The following PRKCQ variants were observed in gnomAD, a reference collection of about 807,000 sequenced individuals.
PRKCQ encodes the protein protein kinase C theta.
A neutral mutation model predicts 91.2 loss-of-function variants in PRKCQ; 41 were observed. The observed-to-expected ratio is 0.45, with a 90% CI of 0.35 to 0.58. The LOEUF is 0.58. Ranked by LOEUF, PRKCQ falls within the 20% of genes least tolerant of loss-of-function variation. The probability of loss-of-function intolerance (pLI) is 0.00; values close to 1 mark genes in which losing one functional copy is unlikely to be tolerated. For synonymous variants in PRKCQ, 307 were observed against 316.9 expected, an observed-to-expected ratio of 0.97 and a Z score of 0.33; for missense variants, 673 against 896.5, an observed-to-expected ratio of 0.75 and a Z score of 3.18.
the PRKCQ span, among the ~76,000 whole-genome samples, chr10:6,421,556 T>C: frequency 6.6e-6 from 1 of 152,182 alleles, no homozygotes; most frequent in South Asian, 2.1e-4. The surrounding 1 kb of genome is among the most constrained non-coding windows in gnomAD (Gnocchi z 4.1). Flanking sequence ...GGCTAGTGGC[T>C]ACCATACTGT....
intron 13 of PRKCQ, among the ~76,000 whole-genome samples, chr10:6,462,664 T>G (rs1174729673): frequency 1.3e-5 from 2 of 152,164 alleles, no homozygotes. Flanking sequence ...ATTGTCATTT[T>G]TTTTGTTGTT....
Position 6,445,232 on chromosome 10 carries a change from C to T in PRKCQ, c.1648-3151G>A, listed in dbSNP as rs147173395. Among the ~76,000 whole-genome samples, 708 of 151,818 alleles carry T rather than the reference C, an allele frequency of 4.7e-3. 4 individuals carry two copies. The highest frequency in any genetic ancestry group is 0.016 in the African/African-American group (669 of 41,324). On this transcript the variant is annotated intron_variant, in intron 15 of 17. Transcript: ENST00000263125. ...TTTAGATGGAGCAGACTGATGTGCA[C>T]GGCAACCCCATCCCTGACCCTCCAC...
intron 16 of PRKCQ, among the ~76,000 whole-genome samples, chr10:6,433,770 C>T (rs779650624): frequency 6.6e-6 from 1 of 152,040 alleles, no homozygotes; most frequent in Non-Finnish European, 1.5e-5. Context: ...GTGGCTCATG[C>T]CTGTAATCCC....
At chr10:6,454,351 C>T (rs1834893570) in intron 15 of PRKCQ, among the ~76,000 whole-genome samples, 1 of 152,046 alleles carries the variant, frequency 6.6e-6, no homozygotes, top group Admixed American at 6.6e-5. Flanking sequence ...TCATGTTCTG[C>T]ACTAGGGTAA....
rs144075655 is a variant in PRKCQ, at chr10:6,485,297, C to T, written c.901-28G>A. 662 of 1,531,082 alleles carry T rather than the reference C, an allele frequency of 4.3e-4. 8 individuals are homozygous for T. In the Middle Eastern group the frequency reaches 0.016, roughly 38 times the overall value. The allele number at this position is 1,531,082 out of a possible 1,614,324, so 94.8% of individuals were successfully genotyped here. ...GGATGACAAACAGAGAGTCAGACCA[C>T]CCACCCACCCACCATTGATGGAACA... On this transcript the variant is annotated intron_variant, in intron 9 of 17. Transcript: ENST00000263125.
At chr10:6,477,897 A>C (rs754501796) in intron 12 of PRKCQ, among the ~76,000 whole-genome samples, 3 of 152,112 alleles carry the variant, frequency 2.0e-5, no homozygotes, top group African/African-American at 4.8e-5. Flanking sequence ...AACAAACAAA[A>C]AGAAAGAAAA....
At chr10:6,423,877 C>T (rs1052745321), downstream of PRKCQ, among the ~76,000 whole-genome samples, 2 of 152,176 alleles carry the variant, frequency 1.3e-5, no homozygotes, top group Non-Finnish European at 2.9e-5. Flanking sequence ...TTCCACCAGG[C>T]ATTCTCGTGT....
chr10:6,412,638 G>A, the PRKCQ span, among the ~76,000 whole-genome samples: 1 of 152,236 alleles, frequency 6.6e-6, no homozygotes, highest in Non-Finnish European at 1.5e-5. Context: ...TTAAGTCAGT[G>A]GGGGAAGGAC....
the PRKCQ span, among the ~76,000 whole-genome samples, chr10:6,419,381 C>T: frequency 6.6e-6 from 1 of 152,022 alleles, no homozygotes; most frequent in African/African-American, 2.4e-5. Context: ...TTGCTCTTTC[C>T]TAATGTTTAA....
chr10:6,421,068 T>C, the PRKCQ span, among the ~76,000 whole-genome samples: 1 of 152,318 alleles, frequency 6.6e-6, no homozygotes, highest in African/African-American at 2.4e-5. The surrounding 1 kb of genome is among the most constrained non-coding windows in gnomAD (Gnocchi z 4.1). Flanking sequence ...TCTCCCAACA[T>C]TTTCTAGCTC....
At chr10:6,404,255 G>GGGGGGAGAGAGAGA in the PRKCQ span, among the ~76,000 whole-genome samples, 2 of 34,358 alleles carry the variant, frequency 5.8e-5, no homozygotes, top group Non-Finnish European at 1.2e-4. Flanking sequence ...GAAGGGGGGG[G>GGGGGGAGAGAGAGA]GAGAGAGAGA....
At chr10:6,544,336 T>A (rs906022360) in intron 1 of PRKCQ, among the ~76,000 whole-genome samples, 1 of 152,158 alleles carries the variant, frequency 6.6e-6, no homozygotes, top group Non-Finnish European at 1.5e-5. Flanking sequence ...TCGGGGAGAT[T>A]TGTCTGTTTA....
At chr10:6,480,337 C>G (rs142739174) in intron 11 of PRKCQ, among the ~76,000 whole-genome samples, 89 of 152,338 alleles carry the variant, frequency 5.8e-4, no homozygotes, top group Non-Finnish European at 1.1e-3. Context: ...ATAACTTGCT[C>G]AGATTCTTGG....
chr10:6,503,618 A>G (rs1838033875), intron 4 of PRKCQ, among the ~76,000 whole-genome samples: 1 of 152,112 alleles, frequency 6.6e-6, no homozygotes, highest in Non-Finnish European at 1.5e-5. Context: ...GTATTATCTC[A>G]AGTGTTATCC....
In PRKCQ at chr10:6,497,984, T is replaced by C. The variant is rs146441038; in HGVS notation, c.542+412A>G. The stretch of plus-strand genomic sequence containing the variant: ...GCTATTAAGATACCCAAGAGCCTCA[T>C]AAGCATTTAAACCATTAGCTACAAT... On this transcript the variant is annotated intron_variant, in intron 5 of 17. Transcript: ENST00000263125. This position sits in a 1 kb window ranked among gnomAD's most constrained non-coding sequence, Gnocchi z 4.5. 3.2e-3 allele frequency among the ~76,000 whole-genome samples: 490 copies of C among 152,352 alleles called. 1 individual carries two copies. Among genetic ancestry groups the C allele is most frequent in the African/African-American group, 0.011 (464 of 41,584 alleles).
intron 1 of PRKCQ, among the ~76,000 whole-genome samples, chr10:6,564,193 T>C (rs982953079): frequency 1.3e-5 from 2 of 152,112 alleles, no homozygotes; most frequent in African/African-American, 4.8e-5. Flanking sequence ...CCAAAGAGCT[T>C]TGCAGGGGAG....
At chr10:6,493,723 G>A (rs1299287462) in intron 7 of PRKCQ, among the ~76,000 whole-genome samples, 2 of 152,154 alleles carry the variant, frequency 1.3e-5, no homozygotes, top group Non-Finnish European at 2.9e-5. Context: ...ATCTAAGCAA[G>A]CAAAAACATG....
At chr10:6,534,777 T>TATATATATATATATATAG in intron 1 of PRKCQ, among the ~76,000 whole-genome samples, 1 of 29,114 alleles carries the variant, frequency 3.4e-5, no homozygotes, top group East Asian at 1.0e-3. Flanking sequence ...CATATATCTA[T>TATATATATATATATATAG]ATATATATAT....
chr10:6,442,091 CA>C lies in PRKCQ; in HGVS notation c.1648-11del. The C allele has an allele frequency of 1.2e-6, 2 of 1,604,674 alleles. No homozygotes were observed. The highest frequency in any genetic ancestry group is 1.1e-5 in the South Asian group (1 of 90,772). ...TCTGACCCAGCAAGATCTGCACAAC[CA>C]AAAGGCAGACAGGAAATTAACAGGA... On this transcript the variant is annotated splice_polypyrimidine_tract_variant and intron_variant, in intron 15 of 17. Transcript: ENST00000263125.
Sources: gnomAD v4.1 joint callset for allele counts (sites outside exome capture counted in the v4.1 genomes callset) on GRCh38, gnomAD v4.1.1 for gene constraint, Gnocchi (gnomAD v3.1) non-coding constraint, MANE v1.5 for transcripts, NCBI Gene and HGNC (gene_info 2026-07-23, HGNC 2026-07-21) for gene names.